Variants in KANSL1 observed in about 807,000 individuals in gnomAD.
The protein encoded by KANSL1 is KAT8 regulatory NSL complex subunit 1.
KANSL1 carries 22 observed loss-of-function variants against 103.6 expected under a neutral mutation model. The ratio of observed to expected loss-of-function variants is 0.21; its 90% CI spans 0.15 to 0.30. The LOEUF (loss-of-function observed/expected upper bound fraction) is 0.30, where lower values mean the gene tolerates loss of function less well. Among genes scored for constraint, KANSL1 ranks in the 10% least tolerant of loss-of-function variants. The pLI is 1.00. For synonymous variants in KANSL1, 600 were observed against 527.6 expected (o/e 1.14, Z -1.88); for missense variants, 1,337 against 1,399.8 (o/e 0.96, Z 0.72).
intron 1 of KANSL1, among the ~76,000 whole-genome samples, chr17:46,204,043 G>T (rs2047888138): frequency 2.0e-5 from 3 of 152,156 alleles, no homozygotes; most frequent in African/African-American, 2.4e-5. Context: ...AACCAAGCTG[G>T]GTGTGCCATG....
intron 2 of KANSL1, among the ~76,000 whole-genome samples, chr17:46,142,995 C>CT (rs2044502879): frequency 1.3e-5 from 2 of 152,350 alleles, no homozygotes; most frequent in South Asian, 2.1e-4. Flanking sequence ...TTAACTTATA[C>CT]TTTGCTTTTC....
intron 6 of KANSL1, among the ~76,000 whole-genome samples, chr17:46,063,500 G>A (rs1240079400): frequency 6.6e-6 from 1 of 152,208 alleles, no homozygotes; most frequent in Non-Finnish European, 1.5e-5. Flanking sequence ...AAGGAATGGG[G>A]TGTGTCTCTA....
At chr17:46,058,710 AACAC>A (rs749406954) in intron 6 of KANSL1, among the ~76,000 whole-genome samples, 103 of 124,484 alleles carry the variant, frequency 8.3e-4, no homozygotes, top group East Asian at 3.9e-3. Flanking sequence ...CCAGATTTAA[AACAC>A]ACACACACAC....
At chr17:46,062,118 CAA>C (rs66529773) in intron 6 of KANSL1, among the ~76,000 whole-genome samples, 53 of 108,774 alleles carry the variant, frequency 4.9e-4, no homozygotes, top group Middle Eastern at 5.4e-3. Context: ...AACAAACAAA[CAA>C]AAAAAAAAAA....
intron 1 of KANSL1, among the ~76,000 whole-genome samples, chr17:46,176,864 T>A (rs1029931208): frequency 5.3e-5 from 8 of 151,882 alleles, no homozygotes; most frequent in Admixed American, 6.6e-5. Context: ...AACAATCATC[T>A]AAGTAAGGGG....
intron 1 of KANSL1, among the ~76,000 whole-genome samples, chr17:46,211,569 A>T (rs1232117191): frequency 6.6e-6 from 1 of 152,252 alleles, no homozygotes; most frequent in Admixed American, 6.5e-5. Context: ...AGTTATAACT[A>T]AAATGCAGTT....
In KANSL1 at chr17:46,030,157, T is replaced by C. The variant is rs1311021467; in HGVS notation, c.*1319A>G. 3 of 151,418 alleles carry C rather than the reference T, an allele frequency of 2.0e-5. No homozygotes were observed. The highest frequency in any genetic ancestry group is 2.1e-4 in the South Asian group (1 of 4,792). 9.4% of individuals were successfully genotyped at this position (151,418 alleles called of 1,614,324 possible). On this transcript the variant is annotated 3_prime_UTR_variant, in exon 15 of 15. Transcript: ENST00000432791. ...CCATTTTTTGTTTTTGTTTTTTTTT[T>C]CAATGCTAAAAGGGTTATTCAGAAT...
At chr17:46,123,392 T>C (rs1333849280) in intron 2 of KANSL1, among the ~76,000 whole-genome samples, 2 of 152,094 alleles carry the variant, frequency 1.3e-5, no homozygotes, top group African/African-American at 4.8e-5. Context: ...AGAAAAAGAA[T>C]ATATATTTTT....
chr17:46,103,653 T>C (rs2042411698), intron 2 of KANSL1, among the ~76,000 whole-genome samples: 2 of 152,230 alleles, frequency 1.3e-5, no homozygotes, highest in South Asian at 2.1e-4. Context: ...CAGCACTATC[T>C]GTCCTTTAGA....
chr17:46,193,775 C>T (rs934739676), upstream of KANSL1: 9 of 172,876 alleles, frequency 5.2e-5, no homozygotes, highest in Admixed American at 3.9e-4. Flanking sequence ...CGTCACATGC[C>T]CTCCGTGCTG....
In KANSL1 at chr17:46,172,018, G is replaced by T. The variant is rs1284303782; in HGVS notation, c.126C>A (p.Ile42=). ...TTTTGGTTCCGTTGGCAGCAATAAG[G>T]ATGTTGGCGTTGCCGTTATTTTCGG... is the stretch of plus-strand genomic sequence containing the variant. ...GSAENNGNAN[I]LIAANGTKRK... is the part of the protein sequence containing the mutation. The change falls in exon 2 of 15, where the codon ATC becomes ATA. Residue 42 remains isoleucine, a synonymous_variant. Transcript: ENST00000432791. 6.2e-7 allele frequency: 1 copy of T among 1,614,158 alleles called. No homozygotes were observed. Among genetic ancestry groups the T allele is most frequent in the Non-Finnish European group, 8.5e-7 (1 of 1,180,066 alleles).
At chr17:46,202,198 A>T (rs2047828411) in intron 1 of KANSL1, among the ~76,000 whole-genome samples, 1 of 152,200 alleles carries the variant, frequency 6.6e-6, no homozygotes, top group South Asian at 2.1e-4. Flanking sequence ...AGGTAAAAAA[A>T]AGAAATTATC....
chr17:46,115,078 G>A (rs901911355), intron 2 of KANSL1, among the ~76,000 whole-genome samples: 2 of 151,954 alleles, frequency 1.3e-5, no homozygotes, highest in Admixed American at 1.3e-4. Context: ...TATTTATTTT[G>A]AGATGGAGTT....
intron 4 of KANSL1, among the ~76,000 whole-genome samples, chr17:46,070,670 T>C (rs1370640740): frequency 3.9e-5 from 6 of 152,162 alleles, no homozygotes; most frequent in Admixed American, 6.5e-5. Flanking sequence ...TTCCTTTCAA[T>C]AGAAAAATGC....
At chr17:46,034,325 T>G in intron 10 of KANSL1, 40 bp from the exon 11 acceptor site, 2 of 1,608,076 alleles carry the variant, frequency 1.2e-6, no homozygotes, top group Non-Finnish European at 1.7e-6. Flanking sequence ...AGGTACAATT[T>G]TACAGACATC....
intron 2 of KANSL1, among the ~76,000 whole-genome samples, chr17:46,130,390 T>C (rs2043806457): frequency 6.6e-6 from 1 of 152,130 alleles, no homozygotes; most frequent in Admixed American, 6.5e-5. Context: ...AGTAGAGGAT[T>C]TAAATAAAAG....
chr17:46,152,606 T>A (rs1030939309), intron 2 of KANSL1, among the ~76,000 whole-genome samples: 1 of 151,646 alleles, frequency 6.6e-6, no homozygotes, highest in Non-Finnish European at 1.5e-5. Flanking sequence ...TTTCAGAGAT[T>A]TATTTAGATC....
At chr17:46,203,731 G>C (rs2047877464) in intron 1 of KANSL1, among the ~76,000 whole-genome samples, 1 of 152,128 alleles carries the variant, frequency 6.6e-6, no homozygotes, top group African/African-American at 2.4e-5. Flanking sequence ...GCTAAAATTG[G>C]GTGTTATTTA....
At chr17:46,070,672 GAAAAATGCTGTTT>G (rs886356151) in intron 4 of KANSL1, among the ~76,000 whole-genome samples, 29 of 152,096 alleles carry the variant, frequency 1.9e-4, no homozygotes, top group African/African-American at 7.0e-4. Context: ...CCTTTCAATA[GAAAAATGCTGTTT>G]AAAAATGCTG....
Sources: gnomAD v4.1 joint callset for allele counts (sites outside exome capture counted in the v4.1 genomes callset) on GRCh38, gnomAD v4.1.1 for gene constraint, MANE v1.5 for transcripts, NCBI Gene and HGNC (gene_info 2026-07-23, HGNC 2026-07-21) for gene names.